DENND2B: variants seen among roughly 807,000 people sequenced by gnomAD.
The protein encoded by DENND2B is DENN domain-containing protein 2B.
DENND2B carries 32 observed loss-of-function variants against 116.0 expected under a neutral mutation model. That is an observed-to-expected ratio of 0.28 (90% CI 0.21 to 0.37). The LOEUF (loss-of-function observed/expected upper bound fraction) is 0.37. DENND2B is among the 10% of genes least tolerant of loss of function. DENND2B has a pLI of 1.00. For missense variants in DENND2B, 1,276 were observed against 1,477.7 expected, an observed-to-expected ratio of 0.86 and a Z score of 2.24; for synonymous variants, 588 against 583.9, an observed-to-expected ratio of 1.01 and a Z score of -0.10.
At chr11:8,780,397 TC>T (rs1472549286) in intron 1 of DENND2B, among the ~76,000 whole-genome samples, 1 of 152,194 alleles carries the variant, frequency 6.6e-6, no homozygotes, top group Non-Finnish European at 1.5e-5. Flanking sequence ...GGAGATTACT[TC>T]CAAATAAAGG....
At chr11:8,868,492 G>C (rs1021497506) in intron 2 of DENND2B, among the ~76,000 whole-genome samples, 1 of 152,230 alleles carries the variant, frequency 6.6e-6, no homozygotes, top group African/African-American at 2.4e-5. Flanking sequence ...GGAGAAGGCA[G>C]CTGTGAAAGC....
At chr11:8,898,341 A>G (rs1178367309) in intron 1 of DENND2B, among the ~76,000 whole-genome samples, 1 of 152,198 alleles carries the variant, frequency 6.6e-6, no homozygotes, top group African/African-American at 2.4e-5. Flanking sequence ...AGCCTGCACA[A>G]CATAGTGAGA....
chr11:8,780,312 G>A (rs1179360531), intron 1 of DENND2B, among the ~76,000 whole-genome samples: 1 of 152,172 alleles, frequency 6.6e-6, no homozygotes, highest in Non-Finnish European at 1.5e-5. Context: ...TATTTTAAGT[G>A]CCATTAGAAA....
chr11:8,817,181 T>C (rs891102349), intron 4 of DENND2B, among the ~76,000 whole-genome samples: 4 of 152,186 alleles, frequency 2.6e-5, no homozygotes, highest in African/African-American at 9.7e-5. Flanking sequence ...TGAGACAAAG[T>C]TGCCTTTACA....
At chr11:8,838,437 T>A (rs2062510980) in intron 4 of DENND2B, among the ~76,000 whole-genome samples, 1 of 152,220 alleles carries the variant, frequency 6.6e-6, no homozygotes, top group Non-Finnish European at 1.5e-5. Flanking sequence ...ACCTCCGTTA[T>A]AGGAGAAACA....
At chr11:8,856,572 G>A (rs1329500266) in intron 3 of DENND2B, among the ~76,000 whole-genome samples, 1 of 151,978 alleles carries the variant, frequency 6.6e-6, no homozygotes, top group Non-Finnish European at 1.5e-5. Flanking sequence ...TACTTCCACT[G>A]GTCACACGTG....
chr11:8,749,126 A>G (rs976641412), intron 2 of DENND2B, among the ~76,000 whole-genome samples: 10 of 152,206 alleles, frequency 6.6e-5, no homozygotes, highest in Admixed American at 2.6e-4. Flanking sequence ...TGCCAGCTCA[A>G]TCATGGTAAG....
At chr11:8,853,886 T>C (rs2063099749) in intron 3 of DENND2B, among the ~76,000 whole-genome samples, 1 of 152,034 alleles carries the variant, frequency 6.6e-6, no homozygotes, top group African/African-American at 2.4e-5. Context: ...TCTCACTCTG[T>C]CGCTCAGGCT....
intron 4 of DENND2B, among the ~76,000 whole-genome samples, chr11:8,724,300 A>G (rs1333305185): frequency 1.3e-5 from 2 of 152,078 alleles, no homozygotes; most frequent in Non-Finnish European, 2.9e-5. Context: ...CGTCTCAAAA[A>G]AAAAAAAAAG....
rs554383096 is a variant in DENND2B at position 8,822,469 on chromosome 11, G to A, written c.-114-11134C>T. On this transcript the variant is annotated intron_variant, in intron 4 of 6. Transcript: ENST00000524757. ...CCCAGGATTTATCTTATAACTGAAC[G>A]TTTAGCAACATTTTTTTAAAGAAAA... is the stretch of plus-strand genomic sequence containing the variant. Among the ~76,000 whole-genome samples, 3 of 152,242 alleles carry A rather than the reference G, an allele frequency of 2.0e-5. No homozygotes were observed. In the East Asian group the frequency reaches 5.8e-4, roughly 29 times the overall value.
At chr11:8,903,152 C>T (rs2064190056) in intron 1 of DENND2B, among the ~76,000 whole-genome samples, 2 of 152,198 alleles carry the variant, frequency 1.3e-5, no homozygotes, top group African/African-American at 4.8e-5. Context: ...GCCACCACAC[C>T]TGGCCATCTG....
intron 4 of DENND2B, among the ~76,000 whole-genome samples, chr11:8,720,363 G>A (rs1187361567): frequency 6.6e-6 from 1 of 152,064 alleles, no homozygotes; most frequent in Non-Finnish European, 1.5e-5. Context: ...ATAGGATACT[G>A]AGGCCCAGGG....
intron 11 of DENND2B, among the ~76,000 whole-genome samples, chr11:8,709,620 T>C (rs756038870): frequency 3.3e-5 from 5 of 152,080 alleles, no homozygotes; most frequent in Admixed American, 2.0e-4. Flanking sequence ...CCACGCCCCC[T>C]CTCCCCAGTC....
chr11:8,731,097 C>T lies in DENND2B; in HGVS notation c.193G>A (p.Val65Met), dbSNP rs932103530. ...GGGGGGTGCCGGTCCTTGAGGAGCA[C>T]CCGGGAGCTGGAGTGGCTGGGGTAC... The part of the protein sequence containing the change: ...CRYPSHSSSR[V>M]LLKDRHPPAP... The change falls in exon 3 of 20, where the codon GTG (valine) becomes ATG (methionine). Residue 65 changes from valine to methionine, a missense_variant. Val to Met is a conservative substitution (Grantham distance 21). This residue lies in a region of DENND2B where 856 missense variants were observed against 846.6 expected (regional missense o/e 1.01). Coordinates refer to ENST00000313726, the MANE Select transcript of DENND2B (RefSeq NM_213618.2). The T allele has an allele frequency of 6.8e-6, 11 of 1,609,504 alleles. No homozygotes were observed. The highest frequency in any genetic ancestry group is 1.3e-5 in the African/African-American group (1 of 74,814).
intron 3 of DENND2B, among the ~76,000 whole-genome samples, chr11:8,849,611 G>A (rs1047851084): frequency 9.3e-5 from 14 of 150,818 alleles, no homozygotes; most frequent in African/African-American, 3.4e-4. Context: ...ATCACTTGAG[G>A]TCAGGAGTTT....
intron 1 of DENND2B, among the ~76,000 whole-genome samples, chr11:8,773,741 A>G (rs765001980): frequency 6.6e-6 from 1 of 152,156 alleles, no homozygotes. Context: ...AAATGTCCTC[A>G]TTCCAAATCT....
At chr11:8,779,109 A>C (rs1247453448) in intron 1 of DENND2B, among the ~76,000 whole-genome samples, 2 of 152,258 alleles carry the variant, frequency 1.3e-5, no homozygotes, top group African/African-American at 4.8e-5. Flanking sequence ...ACACAACAGC[A>C]AACGATGCAA....
chr11:8,717,599 C>T, intron 5 of DENND2B, 142 bp downstream of exon 5: 1 of 994,642 alleles, frequency 1.0e-6, no homozygotes, highest in Non-Finnish European at 1.4e-6. Context: ...CGGGCACGTT[C>T]AGGGTGGTAT....
intron 3 of DENND2B, among the ~76,000 whole-genome samples, chr11:8,726,598 G>A (rs536861204): frequency 3.9e-5 from 6 of 152,322 alleles, no homozygotes; most frequent in East Asian, 1.9e-4. Flanking sequence ...CCCAGGCGAC[G>A]TCTCACTCCA....
Sources: allele counts gnomAD v4.1 joint callset (sites outside exome capture counted in the v4.1 genomes callset), GRCh38; gene constraint gnomAD v4.1.1; regional missense constraint gnomAD v4.1.1; transcripts MANE v1.5; gene names NCBI Gene and HGNC (gene_info 2026-07-23, HGNC 2026-07-21).